WNT3: variants seen among roughly 807,000 people sequenced by gnomAD.
WNT3 encodes Wnt family member 3.
A neutral mutation model predicts 34.2 loss-of-function variants in WNT3; 7 were observed. That is an observed-to-expected ratio of 0.20 (90% confidence interval 0.12 to 0.38). The LOEUF (loss-of-function observed/expected upper bound fraction) is 0.38. Ranked by LOEUF, WNT3 falls within the 10% of genes least tolerant of loss-of-function variation. The pLI is 1.00. For synonymous variants in WNT3, 212 were observed against 211.5 expected (o/e 1.00, Z -0.02); for missense variants, 267 against 499.8 (o/e 0.53, Z 4.44).
intron 1 of WNT3, among the ~76,000 whole-genome samples, chr17:46,793,037 G>A (rs2084006829): frequency 1.3e-5 from 2 of 151,662 alleles, no homozygotes; most frequent in Admixed American, 6.6e-5. Context: ...GGCCGAGGCG[G>A]GAGGAGCACT....
intron 1 of WNT3, among the ~76,000 whole-genome samples, chr17:46,809,420 G>C (rs1305534014): frequency 6.6e-6 from 1 of 152,176 alleles, no homozygotes; most frequent in Non-Finnish European, 1.5e-5. Context: ...TTCCCAGAAA[G>C]GTCTTCCAGA....
intron 1 of WNT3, among the ~76,000 whole-genome samples, chr17:46,785,065 C>T (rs1243435287): frequency 6.6e-6 from 1 of 152,168 alleles, no homozygotes; most frequent in African/African-American, 2.4e-5. Context: ...GCGTGAGCCA[C>T]CGTGCCCGGC....
intron 1 of WNT3, among the ~76,000 whole-genome samples, chr17:46,815,721 G>T (rs964434046): frequency 2.6e-5 from 4 of 152,142 alleles, no homozygotes; most frequent in Non-Finnish European, 5.9e-5. Context: ...GGACAGACAG[G>T]ACAAGCTGGT....
chr17:46,814,594 GT>G lies in WNT3; in HGVS notation c.80+3923del, dbSNP rs2084317190. ...TATCTGCCCATCTGTCTGTCTGTCTGTCTGTCTGTGGGATCAACAGCCTCCA... is the reference window on the plus strand; with the variant it reads ...TATCTGCCCATCTGTCTGTCTGTCTGCTGTCTGTGGGATCAACAGCCTCCA... On this transcript the variant is annotated intron_variant, in intron 1 of 4. Transcript: ENST00000225512. 2.6e-5 allele frequency among the ~76,000 whole-genome samples: 4 copies of G among 152,356 alleles called. No individual in the cohort carries two copies. In the South Asian group the frequency reaches 8.3e-4, roughly 32 times the overall value.
At chr17:46,796,318 G>A (rs2084054140) in intron 1 of WNT3, among the ~76,000 whole-genome samples, 1 of 152,210 alleles carries the variant, frequency 6.6e-6, no homozygotes, top group Non-Finnish European at 1.5e-5. Context: ...TGCTAATAAA[G>A]ACCAGTGACA....
At chr17:46,792,260 G>A (rs981867685) in intron 1 of WNT3, among the ~76,000 whole-genome samples, 49 of 152,268 alleles carry the variant, frequency 3.2e-4, no homozygotes, top group African/African-American at 9.1e-4. Flanking sequence ...CCAGAGGGGG[G>A]ATGACGTCAT....
intron 1 of WNT3, among the ~76,000 whole-genome samples, chr17:46,774,448 C>T (rs1882640445): frequency 1.3e-5 from 2 of 152,262 alleles, no homozygotes. Context: ...AGTATCTCCC[C>T]AAGGAATTGC....
intron 1 of WNT3, among the ~76,000 whole-genome samples, chr17:46,784,807 G>A (rs188179068): frequency 0.015 from 2,095 of 138,906 alleles, 51 homozygotes; most frequent in African/African-American, 0.054. Flanking sequence ...ATGGAGTCTC[G>A]CTCTGTCGCC....
rs182096179 is a variant in WNT3 at position 46,784,998 on chromosome 17, C to G, written c.81-11089G>C. ...TTCACTGTGTTAGCCAGGATGGTCT[C>G]GATCTCCTGACCTCGTGATCTGCCC... On this transcript the variant is annotated intron_variant, in intron 1 of 4. Transcript: ENST00000225512. Among the ~76,000 whole-genome samples the G allele has an allele frequency of 7.7e-4, 117 of 152,170 alleles. 1 individual carries two copies. Among genetic ancestry groups the G allele is most frequent in the South Asian group, 7.7e-3 (37 of 4,822 alleles).
At chr17:46,777,280 T>C (rs1429981791) in intron 1 of WNT3, among the ~76,000 whole-genome samples, 2 of 152,136 alleles carry the variant, frequency 1.3e-5, no homozygotes, top group African/African-American at 4.8e-5. Flanking sequence ...CACACAGCCA[T>C]ATCCACAGAG....
chr17:46,780,694 A>G (rs1033345895), intron 1 of WNT3, among the ~76,000 whole-genome samples: 4 of 151,866 alleles, frequency 2.6e-5, no homozygotes, highest in African/African-American at 7.3e-5. Flanking sequence ...GGAGAATGGC[A>G]TGAACCTGGG....
chr17:46,809,117 G>A (rs2084236395), intron 1 of WNT3, among the ~76,000 whole-genome samples: 1 of 152,156 alleles, frequency 6.6e-6, no homozygotes. Context: ...TTATTGGGGG[G>A]ATCGAGGGGG....
chr17:46,795,569 C>G (rs1397865162), intron 1 of WNT3, among the ~76,000 whole-genome samples: 3 of 152,220 alleles, frequency 2.0e-5, no homozygotes, highest in Non-Finnish European at 4.4e-5. Context: ...ACCCAGCTCA[C>G]TTGCCTGGTT....
chr17:46,789,595 C>CTTGTTA (rs72159726), intron 1 of WNT3, among the ~76,000 whole-genome samples: 100,835 of 151,424 alleles, frequency 0.67, 33,865 homozygotes, highest in African/African-American at 0.7. Flanking sequence ...GAGGTAACCT[C>CTTGTTA]TCAGGGAACA....
intron 1 of WNT3, among the ~76,000 whole-genome samples, chr17:46,804,248 C>T (rs928500006): frequency 2.6e-5 from 4 of 151,868 alleles, no homozygotes; most frequent in Admixed American, 6.6e-5. Flanking sequence ...CCACCACACC[C>T]GGCTAATTTT....
chr17:46,813,692 T>C (rs144211894), intron 1 of WNT3, among the ~76,000 whole-genome samples: 1,589 of 152,288 alleles, frequency 0.01, 13 homozygotes, highest in East Asian at 0.019. Flanking sequence ...TGCATCCTCC[T>C]CTGTGATAAG....
chr17:46,816,340 G>A (rs578161185), intron 1 of WNT3, among the ~76,000 whole-genome samples: 5 of 151,768 alleles, frequency 3.3e-5, no homozygotes, highest in South Asian at 2.1e-4. Flanking sequence ...ACAACCTGTC[G>A]TGGGCATGGA....
At chr17:46,809,543 C>G (rs2084244156) in intron 1 of WNT3, among the ~76,000 whole-genome samples, 1 of 152,220 alleles carries the variant, frequency 6.6e-6, no homozygotes, top group Admixed American at 6.5e-5. Flanking sequence ...TTGTGCCTGT[C>G]TCCTAGTTTG....
chr17:46,787,878 C>T (rs957652831), intron 1 of WNT3, among the ~76,000 whole-genome samples: 3 of 151,756 alleles, frequency 2.0e-5, no homozygotes, highest in African/African-American at 7.3e-5. Context: ...ATCGCTTGAA[C>T]CTGGGAGGCA....
Sources: gnomAD v4.1 joint callset for allele counts (sites outside exome capture counted in the v4.1 genomes callset) on GRCh38, gnomAD v4.1.1 for gene constraint, MANE v1.5 for transcripts, NCBI Gene and HGNC (gene_info 2026-07-23, HGNC 2026-07-21) for gene names.